The following NEB variants were observed in gnomAD, a reference collection of about 807,000 sequenced individuals.
NEB encodes the protein nebulin.
In NEB, 512 loss-of-function variants were observed where a neutral mutation model predicts 952.2. The ratio of observed to expected loss-of-function variants is 0.54; its 90% CI spans 0.50 to 0.58. The LOEUF (loss-of-function observed/expected upper bound fraction) is 0.58, where lower values mean the gene tolerates loss of function less well. NEB is among the 20% of genes least tolerant of loss of function. The pLI is 0.00. For missense variants in NEB, 8,428 were observed against 9,231.1 expected (o/e 0.91, Z 3.56); for synonymous variants, 2,900 against 3,149.8 (o/e 0.92, Z 2.66).
intron 165 of NEB, among the ~76,000 whole-genome samples, chr2:151,505,107 C>T (rs541189135): frequency 1.3e-5 from 2 of 152,268 alleles, no homozygotes; most frequent in Admixed American, 1.3e-4. Flanking sequence ...TGTTATACTA[C>T]TTATATGTTT....
chr2:151,690,196 G>A (rs2099537252), intron 24 of NEB: 1 of 157,268 alleles, frequency 6.4e-6, no homozygotes. Flanking sequence ...TGGCATGACT[G>A]GACCACGCCT....
intron 32 of NEB, 54 bp downstream of exon 32, chr2:151,679,667 A>ACCCCCC: frequency 8.2e-6 from 4 of 486,362 alleles, no homozygotes; most frequent in Non-Finnish European, 1.7e-5. Flanking sequence ...TCAGACCCCA[A>ACCCCCC]GCCCACCCAC....
chr2:151,503,617 TA>T (rs201416585), intron 165 of NEB, among the ~76,000 whole-genome samples, 176 bp from the exon 166 acceptor site: 1 of 87,766 alleles, frequency 1.1e-5, no homozygotes, highest in Admixed American at 1.4e-4. Context: ...TCCAAAATAG[TA>T]AAAATTTTTA....
At chr2:151,548,278 AT>A in intron 131 of NEB, 29 bp downstream of exon 131, 1 of 1,525,398 alleles carries the variant, frequency 6.6e-7, no homozygotes. Context: ...GAAACTCAAT[AT>A]GTCTCTTGGA....
chr2:151,568,021 G>T, intron 113 of NEB, 50 bp downstream of exon 113: 1 of 1,403,194 alleles, frequency 7.1e-7, no homozygotes, highest in Non-Finnish European at 1.0e-6. Context: ...TGGAATCCCT[G>T]GGAGCAAGGT....
chr2:151,725,689 T>A, intron 5 of NEB, 129 bp from the exon 6 acceptor site: 2 of 678,986 alleles, frequency 2.9e-6, no homozygotes, highest in Non-Finnish European at 5.0e-6. Flanking sequence ...TTTCTTTTTG[T>A]CCCCTACCCC....
intron 107 of NEB, among the ~76,000 whole-genome samples, chr2:151,572,694 C>T (rs1053560211): frequency 2.0e-5 from 3 of 150,388 alleles, no homozygotes; most frequent in African/African-American, 7.3e-5. Context: ...TACAGGTGAG[C>T]CACCACTATG....
chr2:151,499,556 G>C (rs1575136812), intron 168 of NEB, 166 bp from the exon 169 acceptor site: 2 of 488,948 alleles, frequency 4.1e-6, no homozygotes, highest in Non-Finnish European at 7.2e-6. Context: ...AACATGTTTT[G>C]TATTTCCTTA....
At position 151,710,551 on chromosome 2, in the gene NEB, A is replaced by G; in HGVS notation, c.823-13T>C. 1 of 1,501,534 alleles carries G rather than the reference A, an allele frequency of 6.7e-7. No individual in the cohort carries two copies. Among genetic ancestry groups the G allele is most frequent in the Non-Finnish European group, 9.2e-7 (1 of 1,086,972 alleles). 93.0% of individuals were successfully genotyped at this position (1,501,534 alleles called of 1,614,324 possible). ...CTTTGTATTTTTGCTAGAAAAAAGAAAAAGAAAATAAGACAAGCATAACTC... is the reference window on the plus strand; with the variant it reads ...CTTTGTATTTTTGCTAGAAAAAAGAGAAAGAAAATAAGACAAGCATAACTC... On this transcript the variant is annotated splice_polypyrimidine_tract_variant and intron_variant, in intron 10 of 181. Coordinates refer to ENST00000397345, the MANE Select transcript of NEB (RefSeq NM_001164508.2).
chr2:151,694,654 A>G (rs1422393358), intron 18 of NEB, 25 bp from the exon 19 acceptor site: 7 of 1,549,988 alleles, frequency 4.5e-6, no homozygotes, highest in Non-Finnish European at 6.1e-6. Flanking sequence ...TCAGCAAAGG[A>G]ATTGGCAAAA....
intron 78 of NEB, 101 bp from the exon 79 acceptor site, chr2:151,610,967 C>T (rs2097928049): frequency 1.1e-5 from 8 of 708,230 alleles, no homozygotes; most frequent in Middle Eastern, 3.6e-4. Flanking sequence ...ATTTAACTCA[C>T]ATTTAACTAT....
intron 156 of NEB, among the ~76,000 whole-genome samples, 156 bp from the exon 157 acceptor site, chr2:151,516,719 TTTG>T (rs1238734108): frequency 6.6e-6 from 1 of 152,204 alleles, no homozygotes; most frequent in Admixed American, 6.5e-5. Context: ...CCAGTACATT[TTTG>T]TTGTTGTCTA....
chr2:151,528,759 G>A (rs985896894), intron 146 of NEB, among the ~76,000 whole-genome samples: 3 of 152,204 alleles, frequency 2.0e-5, no homozygotes, highest in Non-Finnish European at 2.9e-5. Context: ...GAGAGTCAAC[G>A]CAGGGAATAT....
intron 72 of NEB, 105 bp downstream of exon 72, chr2:151,620,814 A>G (rs1352638495): frequency 2.5e-6 from 2 of 804,396 alleles, no homozygotes; most frequent in Non-Finnish European, 4.0e-6. Flanking sequence ...ATATTTGCCT[A>G]TGCACTGAAG....
chr2:151,500,343 T>C (rs1388830268), intron 168 of NEB, among the ~76,000 whole-genome samples: 1 of 152,124 alleles, frequency 6.6e-6, no homozygotes, highest in African/African-American at 2.4e-5. Context: ...CATCTAAATT[T>C]TCCTAATGAC....
chr2:151,571,036 G>A lies in NEB; in HGVS notation c.17014-435C>T, dbSNP rs573227446. 1.5e-4 allele frequency among the ~76,000 whole-genome samples: 23 copies of A among 151,782 alleles called. No homozygotes were observed. The South Asian group carries it at 2.1e-3, about 14-fold the overall frequency. On this transcript the variant is annotated intron_variant, in intron 107 of 181. Transcript: ENST00000397345. ...TTCTTTTTTTTTGAGACGGAGTTTC[G>A]CTCTTGTTGCCCAGGCTGGAGGGCA...
intron 39 of NEB, among the ~76,000 whole-genome samples, chr2:151,668,767 A>G (rs1485014365): frequency 6.7e-6 from 1 of 149,424 alleles, no homozygotes; most frequent in Non-Finnish European, 1.5e-5. Flanking sequence ...CTCATGTTCC[A>G]TTTTTTTTTT....
intron 157 of NEB, among the ~76,000 whole-genome samples, chr2:151,515,318 A>G (rs1023652457): frequency 2.6e-5 from 4 of 152,156 alleles, no homozygotes; most frequent in Admixed American, 1.3e-4. Flanking sequence ...AGGCAAGGGG[A>G]AAAAAATCGC....
intron 3 of NEB, 26 bp downstream of exon 3, chr2:151,733,095 G>A: frequency 6.3e-7 from 1 of 1,584,814 alleles, no homozygotes; most frequent in Non-Finnish European, 8.6e-7. Flanking sequence ...ATAGTTTGCT[G>A]TCAGTGTTTT....
Sources: allele counts gnomAD v4.1 joint callset (sites outside exome capture counted in the v4.1 genomes callset), GRCh38; gene constraint gnomAD v4.1.1; transcripts MANE v1.5; gene names NCBI Gene and HGNC (gene_info 2026-07-23, HGNC 2026-07-21).